The following ARID5B variants were observed in gnomAD, a reference collection of about 807,000 sequenced individuals.
ARID5B encodes AT-rich interactive domain-containing protein 5B.
A neutral mutation model predicts 97.2 loss-of-function variants in ARID5B; 13 were observed. The ratio of observed to expected loss-of-function variants is 0.13; its 90% CI spans 0.09 to 0.21. ARID5B has a LOEUF of 0.21. Ranked by LOEUF, ARID5B falls within the 10% of genes least tolerant of loss-of-function variation. The pLI is 1.00. For synonymous variants in ARID5B, 556 were observed against 570.3 expected (o/e 0.97, Z 0.36); for missense variants, 1,210 against 1,465.3 (o/e 0.83, Z 2.84).
At chr10:61,987,729 G>T (rs758296585) in intron 3 of ARID5B, among the ~76,000 whole-genome samples, 1 of 152,210 alleles carries the variant, frequency 6.6e-6, no homozygotes, top group Non-Finnish European at 1.5e-5. Context: ...AAAAACAGGT[G>T]TTGGGCTGAA....
intron 3 of ARID5B, among the ~76,000 whole-genome samples, chr10:61,988,115 G>C (rs1039478251): frequency 1.6e-4 from 24 of 152,158 alleles, no homozygotes; most frequent in African/African-American, 5.5e-4. Flanking sequence ...TTTCAATGAT[G>C]TTCTTCCATG....
At chr10:62,016,682 C>T (rs1306391820) in intron 4 of ARID5B, among the ~76,000 whole-genome samples, 1 of 152,194 alleles carries the variant, frequency 6.6e-6, no homozygotes, top group Non-Finnish European at 1.5e-5. Flanking sequence ...TAGAAAAGCA[C>T]TGGCTTCTTG....
chr10:61,960,607 G>A lies in ARID5B; in HGVS notation c.502+20199G>A, dbSNP rs376902583. Among the ~76,000 whole-genome samples, 5 of 150,904 alleles carry A rather than the reference G, an allele frequency of 3.3e-5. No homozygotes were observed. The South Asian group carries it at 8.3e-4, about 25-fold the overall frequency. ...GCATATTGTTTTTGGCCAAAATGTA[G>A]CCTGCCTCCTTGAGCATGAGTTGAA... On this transcript the variant is annotated intron_variant, in intron 3 of 9. Transcript: ENST00000279873.
rs1840454802 is a variant in ARID5B, at chr10:62,095,393, A to C, written c.*2363A>C. On this transcript the variant is annotated 3_prime_UTR_variant, in exon 10 of 10. Coordinates refer to ENST00000279873, the MANE Select transcript of ARID5B (RefSeq NM_032199.3). Reference sequence around the variant, plus strand: ...TCTCAAAAAAAAAAGGAGGGGGGGCATCTGTCCCCGGTGGAGCTCACCTAT... The same window carrying C: ...TCTCAAAAAAAAAAGGAGGGGGGGCCTCTGTCCCCGGTGGAGCTCACCTAT... The C allele has an allele frequency of 4.3e-6, 1 of 232,850 alleles. No individual in the cohort carries two copies. Among genetic ancestry groups the C allele is most frequent in the Non-Finnish European group, 8.5e-6 (1 of 117,940 alleles). The allele number at this position is 232,850 out of a possible 1,614,324, so 14.4% of individuals were successfully genotyped here. A position where few individuals can be genotyped will look rare whatever the true frequency, so the allele number is the denominator to read the frequency against.
At chr10:61,940,041 C>G in intron 2 of ARID5B, 142 bp from the exon 3 acceptor site, 1 of 662,496 alleles carries the variant, frequency 1.5e-6, no homozygotes, top group East Asian at 2.7e-5. Context: ...ACTAAAGATT[C>G]TGTGTCACCA....
At chr10:61,962,638 C>T (rs1032657319) in intron 3 of ARID5B, among the ~76,000 whole-genome samples, 3 of 152,160 alleles carry the variant, frequency 2.0e-5, no homozygotes, top group South Asian at 2.1e-4. Flanking sequence ...AGCATTCTGC[C>T]GTTGGCTAGA....
chr10:62,023,189 G>A (rs1564630062), intron 4 of ARID5B, among the ~76,000 whole-genome samples: 1 of 152,190 alleles, frequency 6.6e-6, no homozygotes, highest in Non-Finnish European at 1.5e-5. Flanking sequence ...CTCTGTGGAC[G>A]TGCTTGGTTA....
At chr10:61,940,811 G>A (rs955370531) in intron 3 of ARID5B, among the ~76,000 whole-genome samples, 1 of 149,576 alleles carries the variant, frequency 6.7e-6, no homozygotes, top group Non-Finnish European at 1.5e-5. Flanking sequence ...TGAGGAAAAG[G>A]GATGAGTTCC....
At chr10:62,049,509 A>G in intron 4 of ARID5B, 1 of 1,550,214 alleles carries the variant, frequency 6.5e-7, no homozygotes, top group Non-Finnish European at 8.7e-7. Context: ...TCTTTGCTTG[A>G]TTTTTGTTTG....
chr10:61,949,296 T>C (rs556463158), intron 3 of ARID5B, among the ~76,000 whole-genome samples: 7 of 152,362 alleles, frequency 4.6e-5, no homozygotes, highest in Admixed American at 2.0e-4. Context: ...TTGTTTTGTC[T>C]ATTTTTTCTA....
intron 2 of ARID5B, among the ~76,000 whole-genome samples, chr10:61,902,823 T>G (rs906050591): frequency 3.3e-5 from 5 of 152,098 alleles, no homozygotes; most frequent in Non-Finnish European, 5.9e-5. Flanking sequence ...CTGGGTGGAT[T>G]TCTTTCGGTG....
intron 9 of ARID5B, 45 bp from the exon 10 acceptor site, chr10:62,090,817 G>A (rs765665762): frequency 5.3e-6 from 8 of 1,522,622 alleles, no homozygotes; most frequent in Non-Finnish European, 7.0e-6. Flanking sequence ...AAACATGTCT[G>A]TGTATTTGGT....
chr10:62,023,945 G>C (rs1210433326), intron 4 of ARID5B, among the ~76,000 whole-genome samples: 2 of 152,180 alleles, frequency 1.3e-5, no homozygotes, highest in African/African-American at 4.8e-5. Flanking sequence ...ATACCGATAG[G>C]CTTCTGTATC....
At chr10:61,944,867 A>C (rs1844475547) in intron 3 of ARID5B, among the ~76,000 whole-genome samples, 1 of 152,246 alleles carries the variant, frequency 6.6e-6, no homozygotes, top group Admixed American at 6.5e-5. Flanking sequence ...AAGAAAGAAA[A>C]GATAGAGGAG....
At chr10:61,996,542 T>G (rs1564623179) in intron 3 of ARID5B, among the ~76,000 whole-genome samples, 1 of 152,016 alleles carries the variant, frequency 6.6e-6, no homozygotes, top group Non-Finnish European at 1.5e-5. Flanking sequence ...AAAAAAGGAT[T>G]GGGTGGTTAT....
chr10:62,055,906 CCT>C (rs1199798951), intron 5 of ARID5B, among the ~76,000 whole-genome samples: 1 of 151,980 alleles, frequency 6.6e-6, no homozygotes, highest in East Asian at 1.9e-4. Flanking sequence ...GGTTCGAAAT[CCT>C]GTAATGGACA....
intron 4 of ARID5B, among the ~76,000 whole-genome samples, chr10:62,046,196 T>C (rs2132924905): frequency 6.6e-6 from 1 of 152,116 alleles, no homozygotes; most frequent in East Asian, 1.9e-4. Flanking sequence ...GCATAAATGC[T>C]ATTAAAAAAA....
intron 3 of ARID5B, among the ~76,000 whole-genome samples, chr10:61,958,518 G>T (rs763664505): frequency 5.3e-5 from 8 of 152,108 alleles, no homozygotes; most frequent in African/African-American, 1.9e-4. Context: ...GAGCCGCCGC[G>T]CCCGGCCGTG....
At chr10:62,068,640 C>T (rs759262117) in intron 7 of ARID5B, among the ~76,000 whole-genome samples, 1 of 151,896 alleles carries the variant, frequency 6.6e-6, no homozygotes, top group Non-Finnish European at 1.5e-5. Flanking sequence ...TATTAAATTC[C>T]ACTGGCACCT....
Sources: gnomAD v4.1 joint callset for allele counts (sites outside exome capture counted in the v4.1 genomes callset) on GRCh38, gnomAD v4.1.1 for gene constraint, MANE v1.5 for transcripts, NCBI Gene and HGNC (gene_info 2026-07-23, HGNC 2026-07-21) for gene names.